ANKDD1B: variants seen among roughly 807,000 people sequenced by gnomAD.
ANKDD1B encodes ankyrin repeat and death domain containing 1B.
A neutral mutation model predicts 59.7 loss-of-function variants in ANKDD1B; 57 were observed. The observed-to-expected ratio is 0.95, with a 90% CI of 0.77 to 1.19. The LOEUF is 1.19. Ranked by LOEUF, ANKDD1B falls within the 50% of genes most tolerant of loss-of-function variation. ANKDD1B has a pLI of 0.00. For synonymous variants in ANKDD1B, 216 were observed against 239.5 expected, an observed-to-expected ratio of 0.90 and a Z score of 0.91; for missense variants, 602 against 641.9, an observed-to-expected ratio of 0.94 and a Z score of 0.67.
At chr5:75,656,214 G>T in intron 9 of ANKDD1B, 87 bp downstream of exon 9, 1 of 611,800 alleles carries the variant, frequency 1.6e-6, no homozygotes, top group Non-Finnish European at 2.8e-6. Flanking sequence ...TTAAGTTCAA[G>T]GTACCTAAAA....
At chr5:75,641,088 A>C (rs1298867893) in intron 7 of ANKDD1B, among the ~76,000 whole-genome samples, 1 of 152,262 alleles carries the variant, frequency 6.6e-6, no homozygotes, top group Non-Finnish European at 1.5e-5. Context: ...TGGTGCAGGA[A>C]GAAGGAAGGA....
At chr5:75,654,470 A>G (rs1335083690) in intron 8 of ANKDD1B, among the ~76,000 whole-genome samples, 1 of 152,180 alleles carries the variant, frequency 6.6e-6, no homozygotes, top group Non-Finnish European at 1.5e-5. Context: ...AAAACAGAGT[A>G]TAAACTGTTA....
At chr5:75,663,142 C>T (rs1023213151) in intron 10 of ANKDD1B, among the ~76,000 whole-genome samples, 4 of 152,160 alleles carry the variant, frequency 2.6e-5, no homozygotes, top group African/African-American at 9.7e-5. Flanking sequence ...GGTCACATAA[C>T]TAACTGCAAA....
rs536707176 is a variant in ANKDD1B, at chr5:75,615,934, G to C, written c.194-870G>C. 3.3e-5 allele frequency among the ~76,000 whole-genome samples: 5 copies of C among 152,272 alleles called. No individual in the cohort carries two copies. In the East Asian group the frequency reaches 9.6e-4, roughly 29 times the overall value. On this transcript the variant is annotated intron_variant, in intron 1 of 13. Transcript: ENST00000601380. ...GGTTGGTCCTTGATTGGACTTGGCA[G>C]TATCCTGAAAGGTCTTTGCTTCGGC...
At chr5:75,648,109 G>A (rs202153208) in intron 7 of ANKDD1B, among the ~76,000 whole-genome samples, 3 of 74,070 alleles carry the variant, frequency 4.1e-5, no homozygotes, top group East Asian at 8.9e-4. Context: ...TGGTGGGGTG[G>A]GGGGAGGGGG....
intron 9 of ANKDD1B, among the ~76,000 whole-genome samples, chr5:75,658,455 T>G (rs148673358): frequency 6.6e-6 from 1 of 152,344 alleles, no homozygotes; most frequent in East Asian, 1.9e-4. Flanking sequence ...GATTTTCTTG[T>G]GATTTCAGAT....
At chr5:75,652,254 A>G (rs974093389) in intron 7 of ANKDD1B, among the ~76,000 whole-genome samples, 3 of 152,176 alleles carry the variant, frequency 2.0e-5, no homozygotes, top group African/African-American at 4.8e-5. Context: ...TCACATTGAC[A>G]TTAGAGTTTC....
intron 2 of ANKDD1B, among the ~76,000 whole-genome samples, chr5:75,617,653 G>A (rs1773747953): frequency 6.6e-6 from 1 of 152,160 alleles, no homozygotes; most frequent in East Asian, 1.9e-4. Flanking sequence ...AAGCTTCAGG[G>A]CCCTTGCTTG....
intron 7 of ANKDD1B, 113 bp from the exon 8 acceptor site, chr5:75,653,029 C>G: frequency 1.3e-6 from 1 of 741,004 alleles, no homozygotes; most frequent in South Asian, 1.6e-5. Context: ...AAGTGATGCA[C>G]GACTGTAGTT....
At chr5:75,625,811 G>C in intron 4 of ANKDD1B, 40 bp from the exon 5 acceptor site, 1 of 1,529,610 alleles carries the variant, frequency 6.5e-7, no homozygotes, top group Non-Finnish European at 8.8e-7. Flanking sequence ...AGGAAGTTCT[G>C]AGGTCACTGT....
In ANKDD1B at chr5:75,671,307, C is replaced by T. The variant is rs539950542; in HGVS notation, c.*267C>T. The T allele has an allele frequency of 1.2e-4, 33 of 264,562 alleles. No homozygotes were observed. The highest frequency in any genetic ancestry group is 1.8e-4 in the African/African-American group (8 of 45,610). The allele number at this position is 264,562 out of a possible 1,614,324, so 16.4% of individuals were successfully genotyped here. A position where few individuals can be genotyped will look rare whatever the true frequency, so the allele number is the denominator to read the frequency against. ...ATCCATGTAATAAGATAATCTAGGACGGTTTTGTATGTCATGTTTTTTTAA... is the reference window on the plus strand; with the variant it reads ...ATCCATGTAATAAGATAATCTAGGATGGTTTTGTATGTCATGTTTTTTTAA... On this transcript the variant is annotated 3_prime_UTR_variant, in exon 14 of 14. Transcript: ENST00000601380.
intron 2 of ANKDD1B, 33 bp from the exon 3 acceptor site, chr5:75,620,282 A>G (rs778324072): frequency 1.2e-5 from 13 of 1,123,112 alleles, no homozygotes; most frequent in Non-Finnish European, 1.5e-5. Flanking sequence ...AATAATGATC[A>G]GATGACTAAA....
intron 7 of ANKDD1B, among the ~76,000 whole-genome samples, chr5:75,651,204 G>T (rs1285624978): frequency 6.6e-6 from 1 of 152,234 alleles, no homozygotes; most frequent in Non-Finnish European, 1.5e-5. Flanking sequence ...TTGATGAAGG[G>T]AGTGGCAAAG....
In ANKDD1B at chr5:75,666,970, G is replaced by C. The variant is rs1409874569; in HGVS notation, c.1370G>C (p.Arg457Thr). The C allele has an allele frequency of 2.0e-6, 3 of 1,489,082 alleles. No individual in the cohort carries two copies. Among genetic ancestry groups the C allele is most frequent in the East Asian group, 4.9e-5 (2 of 40,680 alleles). The allele number at this position is 1,489,082 out of a possible 1,614,324, so 92.2% of individuals were successfully genotyped here. Residue 457 changes from arginine to threonine, a missense_variant, in exon 12 of 14, where the codon AGA becomes ACA. By Grantham distance (71) the Arg-to-Thr change is moderately conservative (BLOSUM62 -1). Transcript: ENST00000601380. Reference protein sequence around the residue: ...RSWNFTDDQIRAIEEQWSGNE... With the variant: ...RSWNFTDDQITAIEEQWSGNE... ...TGGAACTTTACAGATGACCAGATTA[G>C]AGCCATTGAGGAGCAGTGGTCGGGT...
chr5:75,663,639 C>T, intron 11 of ANKDD1B, 150 bp downstream of exon 11: 1 of 676,068 alleles, frequency 1.5e-6, no homozygotes, highest in Non-Finnish European at 2.5e-6. Flanking sequence ...CTTGTGCTGC[C>T]CCCATTCGTG....
At position 75,616,889 on chromosome 5, in the gene ANKDD1B, C is replaced by T; in HGVS notation, c.279C>T (p.Asn93=). The change falls in exon 2 of 14, where the codon AAC becomes AAT. Residue 93 remains asparagine (N), a synonymous_variant. Transcript: ENST00000601380. Reference sequence around the variant, plus strand: ...AGAAGCTGTTTGAAAAGAAGGTTAACATTAATGTTGTGAACAATGTGAGTA... The same window carrying T: ...AGAAGCTGTTTGAAAAGAAGGTTAATATTAATGTTGTGAACAATGTGAGTA... ...LMEKLFEKKV[N]INVVNNMNRT... is the part of the protein sequence containing the mutation. The T allele has an allele frequency of 6.6e-7, 1 of 1,516,316 alleles. No individual in the cohort carries two copies. The highest frequency in any genetic ancestry group is 8.9e-7 in the Non-Finnish European group (1 of 1,129,400). 93.9% of individuals were successfully genotyped at this position (1,516,316 alleles called of 1,614,324 possible). A position where few individuals can be genotyped will look rare whatever the true frequency, so the allele number is the denominator to read the frequency against.
intron 3 of ANKDD1B, 87 bp downstream of exon 3, chr5:75,620,500 A>G: frequency 1.4e-6 from 1 of 700,028 alleles, no homozygotes; most frequent in Non-Finnish European, 2.4e-6. Context: ...TTTTCTTCAC[A>G]TACACACAAA....
intron 5 of ANKDD1B, among the ~76,000 whole-genome samples, chr5:75,628,816 G>C (rs1432052679): frequency 6.6e-6 from 1 of 152,194 alleles, no homozygotes; most frequent in African/African-American, 2.4e-5. Context: ...TTCCAGGGGA[G>C]AGAGATTAGA....
At chr5:75,652,474 C>G (rs112446408) in intron 7 of ANKDD1B, among the ~76,000 whole-genome samples, 262 of 152,270 alleles carry the variant, frequency 1.7e-3, no homozygotes, top group African/African-American at 5.5e-3. Flanking sequence ...CTGGGTCTCA[C>G]TCTGTTGCCC....
Sources: gnomAD v4.1 joint callset for allele counts (sites outside exome capture counted in the v4.1 genomes callset) on GRCh38, gnomAD v4.1.1 for gene constraint, MANE v1.5 for transcripts, NCBI Gene and HGNC (gene_info 2026-07-23, HGNC 2026-07-21) for gene names.